The following SLC35F1 variants were observed in gnomAD, a reference collection of about 807,000 sequenced individuals.
SLC35F1 encodes chromosome 6 open reading frame 169.
Under a neutral mutation model 48.7 loss-of-function variants are expected in SLC35F1, and 14 were observed. The observed-to-expected ratio is 0.29, with a 90% CI of 0.19 to 0.45. The LOEUF is 0.45. SLC35F1 is among the 20% of genes least tolerant of loss of function. The pLI, the probability that SLC35F1 is intolerant of heterozygous loss-of-function variation, is 1.00. For synonymous variants in SLC35F1, 190 were observed against 202.2 expected, an observed-to-expected ratio of 0.94 and a Z score of 0.51; for missense variants, 404 against 500.0, an observed-to-expected ratio of 0.81 and a Z score of 1.83.
intron 3 of SLC35F1, among the ~76,000 whole-genome samples, chr6:118,240,029 A>G (rs1416714049): frequency 6.6e-6 from 1 of 152,236 alleles, no homozygotes; most frequent in Non-Finnish European, 1.5e-5. Context: ...CCTTGTTTCT[A>G]TAAATATTAA....
Position 118,316,473 on chromosome 6 carries a change from C to T in SLC35F1, c.*2221C>T, listed in dbSNP as rs541669219. Reference sequence around the variant, plus strand: ...TGGTTTTATTTTTGTGTTTACATTCCTTTGGTTTGAATAATTTGCTTGATT... The same window carrying T: ...TGGTTTTATTTTTGTGTTTACATTCTTTTGGTTTGAATAATTTGCTTGATT... On this transcript the variant is annotated 3_prime_UTR_variant, in exon 8 of 8. Coordinates refer to ENST00000360388, the MANE Select transcript of SLC35F1 (RefSeq NM_001029858.4). 6.6e-6 allele frequency: 1 copy of T among 152,618 alleles called. No individual in the cohort carries two copies. Among genetic ancestry groups the T allele is most frequent in the South Asian group, 2.1e-4 (1 of 4,824 alleles). The allele number at this position is 152,618 out of a possible 1,614,324, so 9.5% of individuals were successfully genotyped here. A position where few individuals can be genotyped will look rare whatever the true frequency, so the allele number is the denominator to read the frequency against.
chr6:118,214,729 G>A (rs1284242982), intron 2 of SLC35F1, among the ~76,000 whole-genome samples: 2 of 152,050 alleles, frequency 1.3e-5, no homozygotes, highest in Non-Finnish European at 2.9e-5. Context: ...AAAACCCAAT[G>A]GGAAAGCATT....
intron 1 of SLC35F1, among the ~76,000 whole-genome samples, chr6:118,047,187 C>A (rs1439004486): frequency 2.0e-5 from 3 of 152,112 alleles, no homozygotes; most frequent in African/African-American, 4.8e-5. Flanking sequence ...GCCATCAATT[C>A]CAACTGATTG....
intron 2 of SLC35F1, among the ~76,000 whole-genome samples, chr6:118,210,927 A>G (rs1774993338): frequency 6.6e-6 from 1 of 152,214 alleles, no homozygotes; most frequent in Non-Finnish European, 1.5e-5. Context: ...AACACCTCGT[A>G]TCTCAGAATG....
At chr6:118,222,848 C>G (rs1174149399) in intron 2 of SLC35F1, among the ~76,000 whole-genome samples, 1 of 152,212 alleles carries the variant, frequency 6.6e-6, no homozygotes, top group Admixed American at 6.5e-5. Flanking sequence ...CCCTAGTAGT[C>G]TTTGAGTGCC....
At chr6:118,293,301 G>A (rs2114650839) in intron 7 of SLC35F1, among the ~76,000 whole-genome samples, 1 of 152,268 alleles carries the variant, frequency 6.6e-6, no homozygotes, top group East Asian at 1.9e-4. Flanking sequence ...TGGTTCTGGA[G>A]GCTCTAGGGG....
At chr6:118,302,421 A>G (rs1776264580) in intron 7 of SLC35F1, among the ~76,000 whole-genome samples, 1 of 152,218 alleles carries the variant, frequency 6.6e-6, no homozygotes. Flanking sequence ...CCAGAATCAT[A>G]TATCCAGAGA....
chr6:117,999,059 T>A (rs1038777392), intron 1 of SLC35F1: 1 of 1,497,890 alleles, frequency 6.7e-7, no homozygotes, highest in Non-Finnish European at 9.2e-7. Flanking sequence ...ATCACAAAGA[T>A]ACGAATCTCT....
chr6:117,966,733 CTG>C (rs1284784037), intron 1 of SLC35F1, among the ~76,000 whole-genome samples: 1 of 152,220 alleles, frequency 6.6e-6, no homozygotes, highest in African/African-American at 2.4e-5. Context: ...GGTCTTGTCT[CTG>C]TTTCCTGTGT....
At chr6:118,234,154 A>T (rs1404473273) in intron 2 of SLC35F1, among the ~76,000 whole-genome samples, 1 of 152,166 alleles carries the variant, frequency 6.6e-6, no homozygotes, top group Non-Finnish European at 1.5e-5. Flanking sequence ...GCTGAAGTAC[A>T]TCTCTAGGAC....
intron 1 of SLC35F1, among the ~76,000 whole-genome samples, chr6:118,151,459 C>T (rs149939499): frequency 1.8e-4 from 27 of 152,276 alleles, no homozygotes; most frequent in African/African-American, 6.3e-4. Flanking sequence ...CTAAAACCAG[C>T]TCCTTATCAT....
chr6:117,933,861 G>A (rs1369726295), intron 1 of SLC35F1, among the ~76,000 whole-genome samples: 2 of 152,028 alleles, frequency 1.3e-5, no homozygotes, highest in African/African-American at 2.4e-5. Flanking sequence ...GCGTGAGAAC[G>A]TAGAGCTCAG....
At chr6:118,313,788 T>A (rs1324474623) in intron 7 of SLC35F1, among the ~76,000 whole-genome samples, 1 of 152,196 alleles carries the variant, frequency 6.6e-6, no homozygotes, top group African/African-American at 2.4e-5. Flanking sequence ...ATTGGCACTT[T>A]AGAGATGATT....
At chr6:117,915,579 A>G (rs1039860662) in intron 1 of SLC35F1, among the ~76,000 whole-genome samples, 1 of 152,204 alleles carries the variant, frequency 6.6e-6, no homozygotes, top group African/African-American at 2.4e-5. Context: ...GTTTGACAAT[A>G]TTATAGGATG....
chr6:118,148,756 G>A lies in SLC35F1; in HGVS notation c.174-5689G>A, dbSNP rs559766605. ...ATACTACATGAATAACCTACAGCTC[G>A]CTGTACAAAATTCCAACCGGCACCA... On this transcript the variant is annotated intron_variant, in intron 1 of 7. Coordinates refer to ENST00000360388, the MANE Select transcript of SLC35F1 (RefSeq NM_001029858.4). 3.3e-5 allele frequency among the ~76,000 whole-genome samples: 5 copies of A among 152,234 alleles called. No homozygotes were observed. The Middle Eastern group carries it at 0.01, about 311-fold the overall frequency.
At chr6:117,978,319 A>G (rs934954111) in intron 1 of SLC35F1, among the ~76,000 whole-genome samples, 2 of 151,942 alleles carry the variant, frequency 1.3e-5, no homozygotes, top group African/African-American at 4.8e-5. Context: ...GTTTGCAAAG[A>G]AAATAAATCT....
chr6:118,172,177 G>T (rs1195757861), intron 2 of SLC35F1, among the ~76,000 whole-genome samples: 1 of 151,788 alleles, frequency 6.6e-6, no homozygotes, highest in Non-Finnish European at 1.5e-5. Context: ...AAAAAAAGAC[G>T]ATTCTTTTTG....
chr6:118,315,251 T>C lies in SLC35F1; in HGVS notation c.*999T>C, dbSNP rs187640832. Reference sequence around the variant, plus strand: ...TACACCAGCATGGAAATTACCTTTATTGTGGAAAATCATTGGTTGTGCCAC... The same window carrying C: ...TACACCAGCATGGAAATTACCTTTACTGTGGAAAATCATTGGTTGTGCCAC... On this transcript the variant is annotated 3_prime_UTR_variant, in exon 8 of 8. Transcript: ENST00000360388. 31 of 152,710 alleles carry C rather than the reference T, an allele frequency of 2.0e-4. No individual in the cohort carries two copies. Among genetic ancestry groups the C allele is most frequent in the African/African-American group, 6.7e-4 (28 of 41,574 alleles). The allele number at this position is 152,710 out of a possible 1,614,324, so 9.5% of individuals were successfully genotyped here.
intron 1 of SLC35F1, among the ~76,000 whole-genome samples, chr6:117,935,791 T>C (rs1057010030): frequency 6.6e-6 from 1 of 152,198 alleles, no homozygotes; most frequent in Non-Finnish European, 1.5e-5. Context: ...TGACCTCAGC[T>C]AGGAATGTGC....
Sources: gnomAD v4.1 joint callset for allele counts (sites outside exome capture counted in the v4.1 genomes callset) on GRCh38, gnomAD v4.1.1 for gene constraint, MANE v1.5 for transcripts, NCBI Gene and HGNC (gene_info 2026-07-23, HGNC 2026-07-21) for gene names.